The following MBTPS1 variants were observed in gnomAD, a reference collection of about 807,000 sequenced individuals.
MBTPS1 encodes membrane bound transcription factor peptidase, site 1, also known as membrane-bound transcription factor site-1 protease.
MBTPS1 carries 94 observed loss-of-function variants against 127.8 expected under a neutral mutation model. The observed-to-expected ratio is 0.74, with a 90% confidence interval of 0.62 to 0.87. MBTPS1 has a LOEUF of 0.87. Ranked by LOEUF, MBTPS1 falls within the 40% of genes least tolerant of loss-of-function variation. MBTPS1 has a pLI of 0.00. For synonymous variants in MBTPS1, 632 were observed against 509.4 expected (o/e 1.24, Z -3.24); for missense variants, 1,636 against 1,353.2 (o/e 1.21, Z -3.28).
chr16:84,097,286 AACATCTTGAAC>A (rs770692760), intron 3 of MBTPS1, among the ~76,000 whole-genome samples: 21 of 152,232 alleles, frequency 1.4e-4, no homozygotes, highest in Non-Finnish European at 2.5e-4. Flanking sequence ...GGTTACTTAC[AACATCTTGAAC>A]ACTCTACTAA....
intron 4 of MBTPS1, among the ~76,000 whole-genome samples, chr16:84,094,409 G>C (rs1597340702): frequency 6.6e-6 from 1 of 152,144 alleles, no homozygotes; most frequent in South Asian, 2.1e-4. Context: ...AATCACTGCA[G>C]TGTGCACTTT....
intron 1 of MBTPS1, among the ~76,000 whole-genome samples, chr16:84,114,389 G>A (rs373560082): frequency 1.3e-5 from 2 of 152,252 alleles, no homozygotes; most frequent in Admixed American, 6.5e-5. Context: ...AGTCAAGAGT[G>A]AGAAACCTTG....
chr16:84,114,646 A>G (rs2086444500), intron 1 of MBTPS1, among the ~76,000 whole-genome samples: 2 of 151,698 alleles, frequency 1.3e-5, no homozygotes, highest in Non-Finnish European at 2.9e-5. Flanking sequence ...CCTGACCAAC[A>G]TGGTAAAAAC....
Position 84,074,654 on chromosome 16 carries a change from T to G in MBTPS1, c.1536A>C (p.Thr512=), listed in dbSNP as rs566085045. ...CGTTGAGGATGGTGACATTAACAAC[T>G]GTCGGCATTCCTCCATAGTAGATGG... ...SQPIYYGGMP[T]VVNVTILNGM... Residue 512 remains threonine (T), a synonymous_variant, in exon 12 of 23, where the codon ACA becomes ACC. Transcript: ENST00000343411. 3.7e-5 allele frequency: 60 copies of G among 1,614,200 alleles called. No homozygotes were observed. The highest frequency in any genetic ancestry group is 3.3e-4 in the Middle Eastern group (2 of 6,062).
At chr16:84,099,927 A>G (rs535821555) in intron 2 of MBTPS1, among the ~76,000 whole-genome samples, 131 of 152,372 alleles carry the variant, frequency 8.6e-4, no homozygotes, top group African/African-American at 3.0e-3. Flanking sequence ...ATCAAGTAGG[A>G]AAAAGAAATT....
chr16:84,070,328 T>C (rs2085751773), intron 13 of MBTPS1, among the ~76,000 whole-genome samples: 3 of 152,228 alleles, frequency 2.0e-5, no homozygotes, highest in Admixed American at 2.0e-4. Flanking sequence ...TGCACTCCTT[T>C]TGAGCTTGAA....
chr16:84,089,315 T>C (rs1403221396), intron 8 of MBTPS1, among the ~76,000 whole-genome samples: 1 of 152,260 alleles, frequency 6.6e-6, no homozygotes, highest in Non-Finnish European at 1.5e-5. Context: ...GTCATGTTCA[T>C]TTACACATAT....
intron 8 of MBTPS1, among the ~76,000 whole-genome samples, chr16:84,090,571 T>C (rs926698886): frequency 6.6e-6 from 1 of 152,148 alleles, no homozygotes; most frequent in African/African-American, 2.4e-5. Flanking sequence ...TGATTGATTT[T>C]TGGGGAAAAA....
chr16:84,068,221 C>A, intron 15 of MBTPS1, 118 bp downstream of exon 15: 1 of 737,520 alleles, frequency 1.4e-6, no homozygotes, highest in Non-Finnish European at 2.4e-6. Context: ...GCTGTGGGGC[C>A]CACGGCGCAT....
At chr16:84,072,350 C>A (rs1158451865) in intron 12 of MBTPS1, among the ~76,000 whole-genome samples, 1 of 152,044 alleles carries the variant, frequency 6.6e-6, no homozygotes, top group Non-Finnish European at 1.5e-5. Context: ...TATAAGGTTT[C>A]TTTTAGGGAA....
At chr16:84,107,306 C>A (rs2086337701) in intron 1 of MBTPS1, among the ~76,000 whole-genome samples, 1 of 152,196 alleles carries the variant, frequency 6.6e-6, no homozygotes, top group East Asian at 1.9e-4. Context: ...CCTGTCAACT[C>A]CAGCCCACCT....
intron 17 of MBTPS1, 126 bp from the exon 18 acceptor site, chr16:84,065,893 G>A: frequency 1.8e-6 from 1 of 550,694 alleles, no homozygotes; most frequent in Non-Finnish European, 3.1e-6. Flanking sequence ...TTTTAATCTT[G>A]AGGGAGGAGC....
In MBTPS1 at chr16:84,070,734, C is replaced by T; in HGVS notation, c.1636G>A (p.Glu546Lys). 6.2e-7 allele frequency: 1 copy of T among 1,614,040 alleles called. No individual in the cohort carries two copies. Among genetic ancestry groups the T allele is most frequent in the Non-Finnish European group, 8.5e-7 (1 of 1,179,968 alleles). Residue 546 changes from glutamate to lysine, a missense_variant, in exon 13 of 23, where the codon GAA (glutamate) becomes AAA (lysine). By Grantham distance (56) the Glu-to-Lys change is moderately conservative. Transcript: ENST00000343411. ...ACCGAGGAGTAGGAGAAGGCAACTTCAATGTTGTCTCCGTTCTGTGGCAAA... is the reference window on the plus strand; with the variant it reads ...ACCGAGGAGTAGGAGAAGGCAACTTTAATGTTGTCTCCGTTCTGTGGCAAA... ...PYLPQNGDNI[E>K]VAFSYSSVLW...
chr16:84,097,872 T>TGTGTGTGTG (rs1486515850), intron 3 of MBTPS1, among the ~76,000 whole-genome samples: 13 of 92,324 alleles, frequency 1.4e-4, no homozygotes, highest in African/African-American at 3.8e-4. Context: ...GTGTGTGTGT[T>TGTGTGTGTG]TGTGTGTGTG....
chr16:84,054,520 G>A lies in MBTPS1; in HGVS notation c.3088C>T (p.Arg1030Trp), dbSNP rs376705249. Reference protein sequence around the residue: ...QINKAKSRPKRRKPRVKRPQL... With the variant: ...QINKAKSRPKWRKPRVKRPQL... ...GGGCGCTTCACCCTGGGCTTCCTCC[G>A]CTTCGGCCTGCTCTTGGCCTTGTTG... Residue 1030 changes from arginine to tryptophan, a missense_variant, in exon 23 of 23, where the codon CGG becomes TGG. Physicochemically the swap from Arg to Trp is moderately radical, Grantham distance 101 (BLOSUM62 -3). Transcript: ENST00000343411. 1.2e-5 allele frequency: 20 copies of A among 1,613,754 alleles called. No homozygotes were observed. The highest frequency in any genetic ancestry group is 1.7e-5 in the Non-Finnish European group (20 of 1,179,876).
intron 3 of MBTPS1, among the ~76,000 whole-genome samples, chr16:84,097,668 T>C (rs2086194520): frequency 1.3e-5 from 2 of 152,238 alleles, no homozygotes; most frequent in African/African-American, 4.8e-5. Context: ...TGTATACATT[T>C]GGCTAACTGT....
intron 1 of MBTPS1, among the ~76,000 whole-genome samples, chr16:84,114,274 T>G (rs2086439294): frequency 6.6e-6 from 1 of 152,154 alleles, no homozygotes; most frequent in East Asian, 1.9e-4. Context: ...AAAGGTGTAT[T>G]CGGGTGTATT....
chr16:84,059,229 A>G, intron 21 of MBTPS1, 73 bp downstream of exon 21: 1 of 1,538,888 alleles, frequency 6.5e-7, no homozygotes, highest in East Asian at 2.3e-5. Flanking sequence ...GTAAAATTCC[A>G]TTCTCTCCTA....
intron 11 of MBTPS1, among the ~76,000 whole-genome samples, chr16:84,078,923 G>T (rs1390408008): frequency 6.6e-6 from 1 of 152,212 alleles, no homozygotes; most frequent in Non-Finnish European, 1.5e-5. Context: ...TGGGCGAGTG[G>T]GAACTGACAT....
Sources: allele counts gnomAD v4.1 joint callset (sites outside exome capture counted in the v4.1 genomes callset), GRCh38; gene constraint gnomAD v4.1.1; transcripts MANE v1.5; gene names NCBI Gene and HGNC (gene_info 2026-07-23, HGNC 2026-07-21).